ROBO2: variants seen among roughly 807,000 people sequenced by gnomAD.
ROBO2 encodes the protein roundabout guidance receptor 2.
ROBO2 carries 53 observed loss-of-function variants against 160.8 expected under a neutral mutation model. The observed-to-expected ratio is 0.33, with a 90% confidence interval of 0.26 to 0.41. The LOEUF (loss-of-function observed/expected upper bound fraction) is 0.41, where lower values mean the gene tolerates loss of function less well. Among genes scored for constraint, ROBO2 ranks in the 10% least tolerant of loss-of-function variants. The pLI is 1.00. For missense variants in ROBO2, 1,577 were observed against 1,722.4 expected (o/e 0.92, Z 1.49); for synonymous variants, 664 against 611.7 (o/e 1.09, Z -1.26).
At chr3:76,804,958 T>G (rs2064557732) in intron 2 of ROBO2, among the ~76,000 whole-genome samples, 1 of 152,160 alleles carries the variant, frequency 6.6e-6, no homozygotes, top group African/African-American at 2.4e-5. Flanking sequence ...CTAGATTTAT[T>G]TCCATTAAAA....
chr3:76,983,895 A>G (rs1031642685), intron 2 of ROBO2, among the ~76,000 whole-genome samples: 2 of 152,240 alleles, frequency 1.3e-5, no homozygotes, highest in Non-Finnish European at 2.9e-5. Context: ...TGGGTAATTT[A>G]TAAAGGAAGA....
At chr3:76,962,260 A>G in intron 2 of ROBO2, among the ~76,000 whole-genome samples, 1 of 152,108 alleles carries the variant, frequency 6.6e-6, no homozygotes, top group Middle Eastern at 3.4e-3. Context: ...GCTTGAACAC[A>G]GGAGGTAGAG....
At position 77,538,805 on chromosome 3, in the gene ROBO2, T is replaced by G. The variant is rs150438424; in HGVS notation, c.935-7533T>G. The G allele has an allele frequency of 2.6e-3, 1,181 of 446,772 alleles. 14 individuals are homozygous for G. The highest frequency in any genetic ancestry group is 0.021 in the African/African-American group (1,050 of 49,734). The allele number at this position is 446,772 out of a possible 1,614,324, so 27.7% of individuals were successfully genotyped here. A position where few individuals can be genotyped will look rare whatever the true frequency, so the allele number is the denominator to read the frequency against. On this transcript the variant is annotated intron_variant, in intron 6 of 25. Transcript: ENST00000461745. ...AGTTGAATATAAATTGAGTAAACATTTATCTCTTACTACTGGTCTATAATT... is the reference window on the plus strand; with the variant it reads ...AGTTGAATATAAATTGAGTAAACATGTATCTCTTACTACTGGTCTATAATT...
At chr3:76,262,971 G>A (rs1368081377) in intron 2 of ROBO2, among the ~76,000 whole-genome samples, 2 of 152,200 alleles carry the variant, frequency 1.3e-5, no homozygotes, top group East Asian at 3.9e-4. Context: ...CTACTTTAGA[G>A]CAGCAGCAAC....
chr3:76,143,467 C>G (rs950510423), intron 2 of ROBO2, among the ~76,000 whole-genome samples: 1 of 151,976 alleles, frequency 6.6e-6, no homozygotes, highest in African/African-American at 2.4e-5. Context: ...ACACAACCAC[C>G]AAGTTCCTTG....
intron 13 of ROBO2, among the ~76,000 whole-genome samples, chr3:77,571,344 T>G (rs762539062): frequency 2.6e-5 from 4 of 152,086 alleles, no homozygotes; most frequent in Admixed American, 6.6e-5. Flanking sequence ...GAATGCTGAT[T>G]TTAGGGCCAC....
At chr3:76,102,304 T>C (rs150610564) in intron 2 of ROBO2, among the ~76,000 whole-genome samples, 2,784 of 152,228 alleles carry the variant, frequency 0.018, 94 homozygotes, top group African/African-American at 0.063. Flanking sequence ...TTGGATATAC[T>C]GGACTATTTT....
At chr3:77,465,742 C>T (rs906650943) in intron 2 of ROBO2, among the ~76,000 whole-genome samples, 4 of 152,106 alleles carry the variant, frequency 2.6e-5, no homozygotes, top group Admixed American at 1.3e-4. Context: ...CTCAGTATTA[C>T]TTATACCTTA....
chr3:75,964,641 G>T (rs1949040972), intron 2 of ROBO2, among the ~76,000 whole-genome samples: 2 of 151,350 alleles, frequency 1.3e-5, no homozygotes, highest in South Asian at 4.2e-4. Context: ...AAATATCTTT[G>T]AACATCCCTA....
At chr3:76,522,481 T>G (rs746079450) in intron 2 of ROBO2, among the ~76,000 whole-genome samples, 1 of 152,136 alleles carries the variant, frequency 6.6e-6, no homozygotes. Flanking sequence ...AAGTAAAATG[T>G]CAAGTTTGAA....
At chr3:77,327,824 T>C (rs1358698136) in intron 2 of ROBO2, among the ~76,000 whole-genome samples, 1 of 151,506 alleles carries the variant, frequency 6.6e-6, no homozygotes, top group Non-Finnish European at 1.5e-5. Context: ...CCGAGGTGGG[T>C]CGATCACCTG....
At chr3:76,880,760 A>G (rs939782162) in intron 2 of ROBO2, among the ~76,000 whole-genome samples, 1 of 152,190 alleles carries the variant, frequency 6.6e-6, no homozygotes, top group Non-Finnish European at 1.5e-5. Flanking sequence ...TGATAACGCT[A>G]GATGAAAACA....
chr3:76,273,072 T>C (rs1163693074), intron 2 of ROBO2, among the ~76,000 whole-genome samples: 2 of 104,758 alleles, frequency 1.9e-5, no homozygotes, highest in East Asian at 5.0e-4. Context: ...AAAATATATA[T>C]AAATATAATA....
chr3:77,337,880 T>C (rs2066646563), intron 2 of ROBO2, among the ~76,000 whole-genome samples: 2 of 152,184 alleles, frequency 1.3e-5, no homozygotes. Flanking sequence ...GTCATGTTTC[T>C]GCTTCCTTGG....
At chr3:77,291,696 A>G (rs1401794090) in intron 2 of ROBO2, among the ~76,000 whole-genome samples, 1 of 152,006 alleles carries the variant, frequency 6.6e-6, no homozygotes, top group Admixed American at 6.5e-5. Context: ...AGCTGAGGCT[A>G]GATCACTAAA....
At chr3:76,713,452 A>G (rs1234560339) in intron 2 of ROBO2, among the ~76,000 whole-genome samples, 1 of 152,016 alleles carries the variant, frequency 6.6e-6, no homozygotes, top group Admixed American at 6.6e-5. Flanking sequence ...CCACTGATGA[A>G]TTTTCTATGT....
intron 20 of ROBO2, among the ~76,000 whole-genome samples, chr3:77,606,810 G>T (rs2094534862): frequency 6.6e-6 from 1 of 152,144 alleles, no homozygotes; most frequent in Admixed American, 6.5e-5. Flanking sequence ...AGATGAAGTC[G>T]AAAGAATCAG....
At position 77,120,144 on chromosome 3, in the gene ROBO2, A is replaced by G. The variant is rs553102859; in HGVS notation, c.388+21804A>G. ...TTTTGTTAGCATCATGATGACCGAT[A>G]ATGATTACAAATGTGTAGAGTAACA... On this transcript the variant is annotated intron_variant, in intron 2 of 25. Transcript: ENST00000461745. Among the ~76,000 whole-genome samples the G allele has an allele frequency of 3.3e-5, 5 of 152,314 alleles. No individual in the cohort carries two copies. The East Asian group carries it at 7.7e-4, about 24-fold the overall frequency.
intron 2 of ROBO2, among the ~76,000 whole-genome samples, chr3:77,476,363 T>G (rs1205585583): frequency 7.8e-6 from 1 of 128,322 alleles, no homozygotes; most frequent in Non-Finnish European, 1.6e-5. Context: ...CATGTGTCTG[T>G]GGGTATGTGT....
Sources: allele counts gnomAD v4.1 joint callset (sites outside exome capture counted in the v4.1 genomes callset), GRCh38; gene constraint gnomAD v4.1.1; transcripts MANE v1.5; gene names NCBI Gene and HGNC (gene_info 2026-07-23, HGNC 2026-07-21).